GFRAL: variants seen among roughly 807,000 people sequenced by gnomAD.
GFRAL encodes GDNF family receptor alpha-like.
In GFRAL, 36 loss-of-function variants were observed where a neutral mutation model predicts 45.4. That is an observed-to-expected ratio of 0.79 (90% CI 0.61 to 1.05). The LOEUF is 1.05. Ranked by LOEUF, GFRAL falls within the 50% of genes least tolerant of loss-of-function variation. GFRAL has a pLI of 0.00. For synonymous variants in GFRAL, 166 were observed against 154.1 expected (o/e 1.08, Z -0.57); for missense variants, 507 against 467.5 (o/e 1.08, Z -0.78).
intron 5 of GFRAL, among the ~76,000 whole-genome samples, chr6:55,352,092 T>C (rs1326207272): frequency 6.6e-6 from 1 of 152,012 alleles, no homozygotes; most frequent in East Asian, 1.9e-4. Flanking sequence ...ATTTGTGTCT[T>C]TTCACAATGT....
intron 6 of GFRAL, among the ~76,000 whole-genome samples, chr6:55,373,459 T>A (rs932028635): frequency 1.3e-5 from 2 of 152,156 alleles, no homozygotes; most frequent in African/African-American, 2.4e-5. Context: ...ATATAATCTC[T>A]TAAAAATGTG....
chr6:55,387,144 T>C (rs1439064599), intron 6 of GFRAL, among the ~76,000 whole-genome samples: 1 of 152,146 alleles, frequency 6.6e-6, no homozygotes, highest in East Asian at 1.9e-4. Context: ...AGTGAGACAA[T>C]TCACATTTTG....
At chr6:55,331,607 C>T (rs1285812003) in intron 1 of GFRAL, 108 bp from the exon 2 acceptor site, 9 of 924,240 alleles carry the variant, frequency 9.7e-6, no homozygotes, top group Non-Finnish European at 1.4e-5. Context: ...AATTATTTCA[C>T]TACATGTTAT....
intron 6 of GFRAL, among the ~76,000 whole-genome samples, chr6:55,384,180 G>A (rs566732267): frequency 6.6e-6 from 1 of 151,750 alleles, no homozygotes; most frequent in South Asian, 2.1e-4. Context: ...TAGATGATGG[G>A]TTGATAGGTG....
chr6:55,390,591 T>G (rs1768735626), intron 6 of GFRAL, among the ~76,000 whole-genome samples: 1 of 152,072 alleles, frequency 6.6e-6, no homozygotes, highest in African/African-American at 2.4e-5. Flanking sequence ...TGACCTCCCA[T>G]AGAAAGTAGT....
At chr6:55,400,341 G>A (rs1009738625) in intron 8 of GFRAL, among the ~76,000 whole-genome samples, 5 of 152,024 alleles carry the variant, frequency 3.3e-5, no homozygotes, top group African/African-American at 4.8e-5. Flanking sequence ...CAGAGGAACA[G>A]AAGTATTCAC....
chr6:55,390,052 GA>G (rs1379313484), intron 6 of GFRAL, among the ~76,000 whole-genome samples: 1 of 152,204 alleles, frequency 6.6e-6, no homozygotes, highest in East Asian at 1.9e-4. Flanking sequence ...TCCCAAAAGA[GA>G]AGGGAAAGCC....
intron 7 of GFRAL, 34 bp downstream of exon 7, chr6:55,399,309 A>G (rs1014968521): frequency 3.3e-6 from 5 of 1,515,560 alleles, no homozygotes; most frequent in Non-Finnish European, 4.5e-6. Context: ...TAATATTTAT[A>G]TTATTTATTT....
At chr6:55,381,283 T>C (rs1340729357) in intron 6 of GFRAL, among the ~76,000 whole-genome samples, 1 of 152,066 alleles carries the variant, frequency 6.6e-6, no homozygotes, top group East Asian at 1.9e-4. Context: ...ATAGTCTTTT[T>C]CAAGAAGCTT....
chr6:55,339,570 T>C (rs1231071733), intron 3 of GFRAL, among the ~76,000 whole-genome samples: 1 of 152,066 alleles, frequency 6.6e-6, no homozygotes, highest in South Asian at 2.1e-4. Context: ...CAAAAAGAAG[T>C]TTTTTAAATA....
intron 6 of GFRAL, among the ~76,000 whole-genome samples, chr6:55,394,396 C>A (rs1006478520): frequency 6.6e-6 from 1 of 152,032 alleles, no homozygotes; most frequent in East Asian, 1.9e-4. Flanking sequence ...TGAACTCCAG[C>A]CTTTAGAAGT....
intron 6 of GFRAL, among the ~76,000 whole-genome samples, chr6:55,391,492 T>C (rs1411937311): frequency 6.6e-6 from 1 of 152,214 alleles, no homozygotes; most frequent in East Asian, 1.9e-4. Flanking sequence ...GGCTCATCCA[T>C]GTAATCCTAG....
chr6:55,343,821 A>T (rs1450465306), intron 3 of GFRAL, among the ~76,000 whole-genome samples: 1 of 152,082 alleles, frequency 6.6e-6, no homozygotes, highest in Non-Finnish European at 1.5e-5. Flanking sequence ...ATCAAATAGA[A>T]GCAATAAAAA....
rs1561870621 is a variant in GFRAL at position 55,402,377 on chromosome 6, C to T, written c.*524C>T. On this transcript the variant is annotated 3_prime_UTR_variant, in exon 9 of 9. Transcript: ENST00000340465. ...TGTTAAAATAGACTTAAAAATATTG[C>T]TTTGTTACATATAATAATATGGCAT... The T allele has an allele frequency of 6.6e-6, 1 of 152,124 alleles. No homozygotes were observed. The highest frequency in any genetic ancestry group is 1.9e-4 in the East Asian group (1 of 5,168). The allele number at this position is 152,124 out of a possible 1,614,324, so 9.4% of individuals were successfully genotyped here. A position where few individuals can be genotyped will look rare whatever the true frequency, so the allele number is the denominator to read the frequency against.
chr6:55,350,037 T>C, intron 3 of GFRAL, 55 bp from the exon 4 acceptor site: 2 of 1,083,350 alleles, frequency 1.8e-6, no homozygotes, highest in Admixed American at 3.4e-5. Context: ...CACGTTTTCC[T>C]AGGAAATTCA....
intron 1 of GFRAL, among the ~76,000 whole-genome samples, chr6:55,328,994 C>T (rs1051455339): frequency 5.9e-5 from 9 of 151,892 alleles, no homozygotes; most frequent in Middle Eastern, 3.4e-3. Context: ...GATAATAAGC[C>T]CCATACATCT....
At chr6:55,353,867 A>G (rs948240835) in intron 5 of GFRAL, among the ~76,000 whole-genome samples, 2 of 151,536 alleles carry the variant, frequency 1.3e-5, no homozygotes, top group African/African-American at 4.9e-5. Flanking sequence ...TATCAAACAC[A>G]TGTGATTACA....
Position 55,358,881 on chromosome 6 carries a change from T to G in GFRAL, c.702-7T>G. ...AAACTAATTATTTTTCTTCACTCTT[T>G]CTCTAGGAGGCACTATAGAACATTT... On this transcript the variant is annotated splice_region_variant and splice_polypyrimidine_tract_variant and intron_variant, in intron 5 of 8. Transcript: ENST00000340465. 6.2e-7 allele frequency: 1 copy of G among 1,609,960 alleles called. No individual in the cohort carries two copies. The highest frequency in any genetic ancestry group is 8.5e-7 in the Non-Finnish European group (1 of 1,177,410).
chr6:55,331,171 A>G (rs1397966296), intron 1 of GFRAL, among the ~76,000 whole-genome samples: 1 of 152,190 alleles, frequency 6.6e-6, no homozygotes, highest in Non-Finnish European at 1.5e-5. Flanking sequence ...AATTTTCTGC[A>G]GAGAATGTAT....
Sources: gnomAD v4.1 joint callset for allele counts (sites outside exome capture counted in the v4.1 genomes callset) on GRCh38, gnomAD v4.1.1 for gene constraint, MANE v1.5 for transcripts, NCBI Gene and HGNC (gene_info 2026-07-23, HGNC 2026-07-21) for gene names.